Variants in ZNF445 observed in about 807,000 individuals in gnomAD.
The protein encoded by ZNF445 is zinc finger protein 445.
A neutral mutation model predicts 93.9 loss-of-function variants in ZNF445; 19 were observed. That is an observed-to-expected ratio of 0.20 (90% confidence interval 0.14 to 0.30). ZNF445 has a LOEUF of 0.30. Among genes scored for constraint, ZNF445 ranks in the 10% least tolerant of loss-of-function variants. The pLI is 1.00. For synonymous variants in ZNF445, 449 were observed against 446.3 expected (o/e 1.01, Z -0.08); for missense variants, 1,058 against 1,259.4 (o/e 0.84, Z 2.42).
chr3:44,447,471 T>C lies in ZNF445; in HGVS notation c.2200A>G (p.Lys734Glu), dbSNP rs1332484611. 1 of 1,614,202 alleles carries C rather than the reference T, an allele frequency of 6.2e-7. No individual in the cohort carries two copies. Among genetic ancestry groups the C allele is most frequent in the Admixed American group, 1.7e-5 (1 of 60,024 alleles). ...FIVHKKKHAM[K>E]RKPEGGPSFS... ...GATGGCCCGCCCTCAGGTTTTCTTT[T>C]CATGGCATGCTTCTTCTTATGAACA... Residue 734 changes from lysine to glutamate, a missense_variant, in exon 8 of 8, where the codon AAA (lysine) becomes GAA (glutamate). By Grantham distance (56) the Lys-to-Glu change is moderately conservative. Transcript: ENST00000396077. This position sits in a 1 kb window ranked among gnomAD's most constrained non-coding sequence, Gnocchi z 4.7.
chr3:44,464,984 T>C (rs911188562), intron 1 of ZNF445, among the ~76,000 whole-genome samples: 15 of 151,296 alleles, frequency 9.9e-5, no homozygotes, highest in African/African-American at 3.4e-4. Context: ...GCAGAATTGC[T>C]TGAACCCGGC....
intron 1 of ZNF445, among the ~76,000 whole-genome samples, chr3:44,475,975 G>A (rs568801211): frequency 6.6e-6 from 1 of 151,870 alleles, no homozygotes; most frequent in Non-Finnish European, 1.5e-5. Flanking sequence ...CTCCAGCCTG[G>A]GCAACAAGAG....
At position 44,450,439 on chromosome 3, in the gene ZNF445, T is replaced by C. The variant is rs1176277457; in HGVS notation, c.820+8A>G. On this transcript the variant is annotated splice_region_variant and intron_variant, in intron 6 of 7. Transcript: ENST00000396077. ...ATGGATAGAAGCATGAGGATATCGA[T>C]TACTTACCCAGGGAAGCCATGTTCC... 6.2e-7 allele frequency: 1 copy of C among 1,613,974 alleles called. No homozygotes were observed. Among genetic ancestry groups the C allele is most frequent in the Non-Finnish European group, 8.5e-7 (1 of 1,180,024 alleles).
intron 1 of ZNF445, among the ~76,000 whole-genome samples, chr3:44,463,396 C>A (rs532619107): frequency 1.1e-3 from 162 of 152,192 alleles, no homozygotes; most frequent in Non-Finnish European, 1.9e-3. Context: ...TAGCCTGGGA[C>A]TCATTGGGAA....
At chr3:44,463,315 T>A (rs1169781235) in intron 1 of ZNF445, among the ~76,000 whole-genome samples, 1 of 152,044 alleles carries the variant, frequency 6.6e-6, no homozygotes, top group Non-Finnish European at 1.5e-5. Flanking sequence ...GGATTACAGG[T>A]GTGAGCCACT....
intron 4 of ZNF445, among the ~76,000 whole-genome samples, 167 bp downstream of exon 4, chr3:44,451,147 G>A (rs1010810075): frequency 1.3e-5 from 2 of 152,252 alleles, no homozygotes; most frequent in East Asian, 1.9e-4. Context: ...GGTGTAATGG[G>A]GGAGGAGCAA....
At chr3:44,466,436 CT>C (rs1358717257) in intron 1 of ZNF445, among the ~76,000 whole-genome samples, 1 of 152,150 alleles carries the variant, frequency 6.6e-6, no homozygotes, top group Admixed American at 6.5e-5. Flanking sequence ...GTTTGGCTTT[CT>C]TTGGTCTACA....
chr3:44,465,554 G>A (rs1360738451), intron 1 of ZNF445, among the ~76,000 whole-genome samples: 2 of 152,222 alleles, frequency 1.3e-5, no homozygotes, highest in African/African-American at 4.8e-5. Context: ...GGTCTAAAAA[G>A]TTTATGAAAA....
chr3:44,452,110 G>A (rs1421872959), intron 3 of ZNF445, among the ~76,000 whole-genome samples: 1 of 152,148 alleles, frequency 6.6e-6, no homozygotes, highest in African/African-American at 2.4e-5. Context: ...CAACAAAGAG[G>A]AAGCATTTGC....
At chr3:44,456,453 A>G (rs1468756551) in intron 2 of ZNF445, among the ~76,000 whole-genome samples, 1 of 152,142 alleles carries the variant, frequency 6.6e-6, no homozygotes, top group Non-Finnish European at 1.5e-5. Context: ...AACAAAACCA[A>G]AAAACAATTA....
rs1346245947 is a variant in ZNF445 at position 44,444,519 on chromosome 3, A to G, written c.*2056T>C. 2 of 152,234 alleles carry G rather than the reference A, an allele frequency of 1.3e-5. No individual in the cohort carries two copies. The highest frequency in any genetic ancestry group is 4.8e-5 in the African/African-American group (2 of 41,458). 9.4% of individuals were successfully genotyped at this position (152,234 alleles called of 1,614,324 possible). A position where few individuals can be genotyped will look rare whatever the true frequency, so the allele number is the denominator to read the frequency against. Reference sequence around the variant, plus strand: ...ATCTGATGACTCCAAGACCCTTCCTATGACTCTGGCCCCCCTGCCCAGCCA... The same window carrying G: ...ATCTGATGACTCCAAGACCCTTCCTGTGACTCTGGCCCCCCTGCCCAGCCA... On this transcript the variant is annotated 3_prime_UTR_variant, in exon 8 of 8. Coordinates refer to ENST00000396077, the MANE Select transcript of ZNF445 (RefSeq NM_181489.6).
chr3:44,472,425 G>A (rs1698282706), intron 1 of ZNF445, among the ~76,000 whole-genome samples: 1 of 152,206 alleles, frequency 6.6e-6, no homozygotes. Flanking sequence ...TGCCCATGCT[G>A]GTCTTGAACT....
At chr3:44,454,656 C>T (rs1253575225) in intron 3 of ZNF445, among the ~76,000 whole-genome samples, 1 of 152,164 alleles carries the variant, frequency 6.6e-6, no homozygotes, top group African/African-American at 2.4e-5. Context: ...CGAATTCCTG[C>T]ACTCAAGCAA....
intron 3 of ZNF445, among the ~76,000 whole-genome samples, chr3:44,451,935 C>T (rs1019944606): frequency 6.6e-6 from 1 of 152,202 alleles, no homozygotes; most frequent in African/African-American, 2.4e-5. Context: ...GCTCTAGGCA[C>T]TGATGTACAA....
At chr3:44,453,419 T>G (rs1697983629) in intron 3 of ZNF445, among the ~76,000 whole-genome samples, 1 of 151,968 alleles carries the variant, frequency 6.6e-6, no homozygotes, top group Non-Finnish European at 1.5e-5. Flanking sequence ...CTCAGCCTCC[T>G]GAGTAGCTGG....
chr3:44,453,268 T>C (rs1466550616), intron 3 of ZNF445, among the ~76,000 whole-genome samples: 1 of 151,974 alleles, frequency 6.6e-6, no homozygotes, highest in African/African-American at 2.4e-5. Flanking sequence ...TGTATATGTA[T>C]GAAAGTGTAT....
intron 1 of ZNF445, among the ~76,000 whole-genome samples, chr3:44,461,011 C>T (rs1340906281): frequency 1.3e-5 from 2 of 152,160 alleles, no homozygotes; most frequent in East Asian, 3.8e-4. Flanking sequence ...ACTGCTGACC[C>T]CATGTGCACA....
At chr3:44,448,761 G>A (rs746214055) in intron 7 of ZNF445, 22 bp from the exon 8 acceptor site, 7 of 1,592,418 alleles carry the variant, frequency 4.4e-6, no homozygotes, top group Non-Finnish European at 5.1e-6. Flanking sequence ...TATAACACAA[G>A]AGAATGTACT....
At chr3:44,464,080 C>T (rs1489815591) in intron 1 of ZNF445, among the ~76,000 whole-genome samples, 3 of 152,086 alleles carry the variant, frequency 2.0e-5, no homozygotes, top group Non-Finnish European at 4.4e-5. Context: ...GAGCTGACAT[C>T]GTACCATTGC....
Sources: gnomAD v4.1 joint callset for allele counts (sites outside exome capture counted in the v4.1 genomes callset) on GRCh38, gnomAD v4.1.1 for gene constraint, Gnocchi (gnomAD v3.1) non-coding constraint, MANE v1.5 for transcripts, NCBI Gene and HGNC (gene_info 2026-07-23, HGNC 2026-07-21) for gene names.